ANKRD27: variants seen among roughly 807,000 people sequenced by gnomAD.
The protein encoded by ANKRD27 is ankyrin repeat domain-containing protein 27.
ANKRD27 carries 112 observed loss-of-function variants against 129.7 expected under a neutral mutation model. The ratio of observed to expected loss-of-function variants is 0.86; its 90% CI spans 0.74 to 1.01. The LOEUF is 1.01. ANKRD27 is among the 50% of genes least tolerant of loss of function. The pLI, the probability that ANKRD27 is intolerant of heterozygous loss-of-function variation, is 0.00. For missense variants in ANKRD27, 1,258 were observed against 1,300.5 expected (o/e 0.97, Z 0.50); for synonymous variants, 516 against 511.2 (o/e 1.01, Z -0.13).
intron 3 of ANKRD27, 35 bp from the exon 4 acceptor site, chr19:32,646,650 C>T (rs573674547): frequency 2.9e-5 from 46 of 1,600,804 alleles, no homozygotes; most frequent in African/African-American, 2.3e-4. Flanking sequence ...CACCAGCAGC[C>T]GGGGCAACCA....
intron 1 of ANKRD27, among the ~76,000 whole-genome samples, chr19:32,669,432 G>A (rs1387884608): frequency 6.6e-6 from 1 of 152,184 alleles, no homozygotes; most frequent in African/African-American, 2.4e-5. Context: ...CAATTTTGCT[G>A]GGACAGAGTC....
At chr19:32,664,133 A>G (rs1967701745) in intron 1 of ANKRD27, among the ~76,000 whole-genome samples, 1 of 151,612 alleles carries the variant, frequency 6.6e-6, no homozygotes, top group Non-Finnish European at 1.5e-5. Flanking sequence ...TATCCAAAAT[A>G]TGATATTTTC....
chr19:32,612,092 A>G (rs752991760), intron 22 of ANKRD27, among the ~76,000 whole-genome samples: 3 of 152,182 alleles, frequency 2.0e-5, no homozygotes, highest in Non-Finnish European at 2.9e-5. Context: ...TAACACATGA[A>G]TGCATGCTAT....
intron 12 of ANKRD27, among the ~76,000 whole-genome samples, chr19:32,632,454 G>T (rs913038073): frequency 6.6e-6 from 1 of 151,016 alleles, no homozygotes; most frequent in Admixed American, 6.6e-5. Context: ...GTGTGGTGGC[G>T]GGCGCCTGTA....
rs1971661371 is a variant in ANKRD27 at position 32,602,071 on chromosome 19, T to G, written c.2711A>C (p.Asp904Ala). The G allele has an allele frequency of 1.9e-6, 3 of 1,614,008 alleles. No individual in the cohort carries two copies. The highest frequency in any genetic ancestry group is 1.7e-5 in the Admixed American group (1 of 60,008). ...CTTGCGGTCAGTTTCAGCCACATCA[T>G]CTAATGAAGCAACACAGCTTGGTAC... ...QVVPSCVASL[D>A]DVAETDRKEY... The change falls in exon 26 of 29, where the codon GAT becomes GCT. Residue 904 changes from aspartate to alanine, a missense_variant. Asp to Ala is a moderately radical substitution (Grantham distance 126, BLOSUM62 -2). Transcript: ENST00000306065.
intron 2 of ANKRD27, among the ~76,000 whole-genome samples, chr19:32,656,668 C>A (rs1045016970): frequency 1.3e-5 from 2 of 151,970 alleles, no homozygotes; most frequent in African/African-American, 4.8e-5. Flanking sequence ...GCTTGTAGTC[C>A]CAGCTACTTG....
chr19:32,667,727 G>A (rs1967787110), intron 1 of ANKRD27, among the ~76,000 whole-genome samples: 1 of 151,824 alleles, frequency 6.6e-6, no homozygotes, highest in African/African-American at 2.4e-5. Flanking sequence ...AGCTACTCAG[G>A]AGGCTGAAGC....
chr19:32,619,656 T>A (rs1971978676), intron 18 of ANKRD27, 103 bp from the exon 19 acceptor site: 2 of 1,410,944 alleles, frequency 1.4e-6, no homozygotes, highest in Admixed American at 1.7e-5. Context: ...CTCCTCGGAA[T>A]GTCAGTGCAG....
intron 12 of ANKRD27, among the ~76,000 whole-genome samples, chr19:32,632,006 T>C (rs1325875332): frequency 6.6e-6 from 1 of 152,232 alleles, no homozygotes; most frequent in African/African-American, 2.4e-5. Flanking sequence ...TATGGCCACA[T>C]GGCCAGGCGC....
Position 32,597,069 on chromosome 19 carries a change from A to AAATT in ANKRD27, c.*1072_*1075dup, listed in dbSNP as rs1282946129. The AAATT allele has an allele frequency of 4.6e-5, 7 of 152,642 alleles. No individual in the cohort carries two copies. The highest frequency in any genetic ancestry group is 8.8e-5 in the Non-Finnish European group (6 of 68,036). 9.5% of individuals were successfully genotyped at this position (152,642 alleles called of 1,614,324 possible). A position where few individuals can be genotyped will look rare whatever the true frequency, so the allele number is the denominator to read the frequency against. On this transcript the variant is annotated 3_prime_UTR_variant, in exon 29 of 29. Transcript: ENST00000306065. The stretch of plus-strand genomic sequence containing the variant: ...TGGCACATATCCAAGGCACATTAGA[A>AAATT]AATTAGAAATCATAAATTACTTTGT...
intron 28 of ANKRD27, among the ~76,000 whole-genome samples, chr19:32,598,722 G>A (rs1194029125): frequency 6.6e-6 from 1 of 152,126 alleles, no homozygotes; most frequent in Non-Finnish European, 1.5e-5. Flanking sequence ...ATGGAACTCA[G>A]GCAGATTTCA....
intron 12 of ANKRD27, among the ~76,000 whole-genome samples, chr19:32,633,107 G>C (rs12459618): frequency 2.6e-5 from 4 of 152,092 alleles, no homozygotes; most frequent in Non-Finnish European, 4.4e-5. Context: ...CACTCTTTCC[G>C]CAACTCTGGT....
chr19:32,597,905 C>T lies in ANKRD27; in HGVS notation c.*240G>A. 1.8e-6 allele frequency: 1 copy of T among 559,446 alleles called. No individual in the cohort carries two copies. The highest frequency in any genetic ancestry group is 2.1e-5 in the South Asian group (1 of 47,074). 34.7% of individuals were successfully genotyped at this position (559,446 alleles called of 1,614,324 possible). ...CACCTCTGGCTTAAGGATCTGGATG[C>T]TACTGGAATTTTTGTCTGTTTCAAT... On this transcript the variant is annotated 3_prime_UTR_variant, in exon 29 of 29. Transcript: ENST00000306065.
chr19:32,632,883 G>A (rs569478471), intron 12 of ANKRD27, among the ~76,000 whole-genome samples: 159 of 152,300 alleles, frequency 1.0e-3, no homozygotes, highest in African/African-American at 3.7e-3. Flanking sequence ...TCTGGGGATA[G>A]GCCATTCCTG....
In ANKRD27 at chr19:32,642,177, G is replaced by C. The variant is rs764199900; in HGVS notation, c.783-32C>G. ...AATAATTTGGAAAGTGACAACTTCA[G>C]AGCACAGTAAGAGAACCCTCTGGCC... On this transcript the variant is annotated intron_variant, in intron 9 of 28. Transcript: ENST00000306065. 54 of 1,555,286 alleles carry C rather than the reference G, an allele frequency of 3.5e-5. 2 individuals are homozygous for C. In the South Asian group the frequency reaches 6.3e-4, roughly 18 times the overall value.
Position 32,598,197 on chromosome 19 carries a change from T to C in ANKRD27, c.3101A>G (p.Glu1034Gly), listed in dbSNP as rs866581092. 1 of 1,614,006 alleles carries C rather than the reference T, an allele frequency of 6.2e-7. No homozygotes were observed. Among genetic ancestry groups the C allele is most frequent in the African/African-American group, 1.3e-5 (1 of 74,906 alleles). The change falls in exon 29 of 29, where the codon GAG (glutamate) becomes GGG (glycine). Residue 1034 changes from glutamate (E) to glycine (G), a missense_variant. Physicochemically the swap from Glu to Gly is moderately conservative, Grantham distance 98. Coordinates refer to ENST00000306065, the MANE Select transcript of ANKRD27 (RefSeq NM_032139.3). ...VEDAVVSQGP[E>G]AAGPLSTPQE... ...GGGAGTGGAGAGGGGGCCAGCAGCC[T>C]CCGGGCCCTGGGACACGACCGCATC...
At chr19:32,650,277 C>T (rs189207419) in intron 2 of ANKRD27, among the ~76,000 whole-genome samples, 183 of 152,286 alleles carry the variant, frequency 1.2e-3, no homozygotes, top group Non-Finnish European at 1.7e-3. Flanking sequence ...CATGGCCAGG[C>T]GTGGTGGCTC....
chr19:32,620,191 C>T (rs1210177157), intron 18 of ANKRD27, among the ~76,000 whole-genome samples: 1 of 151,756 alleles, frequency 6.6e-6, no homozygotes. Context: ...GGATCTAACC[C>T]TTCACAAACT....
At chr19:32,657,393 T>C (rs1401984397) in intron 2 of ANKRD27, among the ~76,000 whole-genome samples, 1 of 146,762 alleles carries the variant, frequency 6.8e-6, no homozygotes, top group Non-Finnish European at 1.5e-5. Context: ...ACCCCGGAGG[T>C]GGAGGTTGCA....
Sources: allele counts gnomAD v4.1 joint callset (sites outside exome capture counted in the v4.1 genomes callset), GRCh38; gene constraint gnomAD v4.1.1; transcripts MANE v1.5; gene names NCBI Gene and HGNC (gene_info 2026-07-23, HGNC 2026-07-21).